The following NUBPL variants were observed in gnomAD, a reference collection of about 807,000 sequenced individuals.
The protein encoded by NUBPL is iron-sulfur cluster transfer protein NUBPL.
A neutral mutation model predicts 45.7 loss-of-function variants in NUBPL; 31 were observed. The observed-to-expected ratio is 0.68, with a 90% confidence interval of 0.51 to 0.92. The LOEUF is 0.92. Among genes scored for constraint, NUBPL ranks in the 40% least tolerant of loss-of-function variants. NUBPL has a pLI of 0.00. For missense variants in NUBPL, 401 were observed against 398.7 expected, an observed-to-expected ratio of 1.01 and a Z score of -0.05; for synonymous variants, 144 against 140.9, an observed-to-expected ratio of 1.02 and a Z score of -0.15.
In NUBPL at chr14:31,763,195, G is replaced by A. The variant is rs115854683; in HGVS notation, c.514-24585G>A. Among the ~76,000 whole-genome samples, 995 of 152,272 alleles carry A rather than the reference G, an allele frequency of 6.5e-3. 13 individuals carry two copies. Among genetic ancestry groups the A allele is most frequent in the African/African-American group, 0.022 (933 of 41,568 alleles). Reference sequence around the variant, plus strand: ...ATATAGGCTTTGATGCCAGAGGTCAGTAGCTTTGGTGGTTGGAGGGTGTGG... The same window carrying A: ...ATATAGGCTTTGATGCCAGAGGTCAATAGCTTTGGTGGTTGGAGGGTGTGG... On this transcript the variant is annotated intron_variant, in intron 6 of 10. Transcript: ENST00000281081.
chr14:31,652,853 T>C (rs577040731), intron 4 of NUBPL, among the ~76,000 whole-genome samples: 24 of 152,292 alleles, frequency 1.6e-4, no homozygotes, highest in African/African-American at 5.5e-4. Flanking sequence ...TCACCCCCCA[T>C]ATTTTAACAT....
intron 6 of NUBPL, among the ~76,000 whole-genome samples, chr14:31,784,282 C>T (rs1198434085): frequency 6.6e-6 from 1 of 152,216 alleles, no homozygotes; most frequent in African/African-American, 2.4e-5. Flanking sequence ...GTTTTCTTTA[C>T]AGCTGGTTTT....
intron 4 of NUBPL, among the ~76,000 whole-genome samples, chr14:31,601,594 T>G (rs1242002233): frequency 6.6e-6 from 1 of 152,118 alleles, no homozygotes; most frequent in Non-Finnish European, 1.5e-5. Flanking sequence ...GAACAGACAC[T>G]TCTCAAAAGA....
Position 31,635,051 on chromosome 14 carries a change from C to T in NUBPL, c.382+35672C>T, listed in dbSNP as rs1426237835. ...CCATTTTGTAGGTTGCCTGTTCACT[C>T]TGATGGTAGTTTCTTTTGCTGTGCA... On this transcript the variant is annotated intron_variant, in intron 4 of 10. Transcript: ENST00000281081. Among the ~76,000 whole-genome samples the T allele has an allele frequency of 3.4e-5, 5 of 149,162 alleles. No individual in the cohort carries two copies. In the East Asian group the frequency reaches 5.8e-4, roughly 17 times the overall value.
intron 6 of NUBPL, among the ~76,000 whole-genome samples, chr14:31,724,825 C>T (rs765875746): frequency 4.6e-5 from 7 of 152,050 alleles, no homozygotes; most frequent in Non-Finnish European, 2.9e-5. Context: ...ATTAATGATC[C>T]ATGCTTTGGA....
rs1172076666 is a variant in NUBPL, at chr14:31,673,529, G to C, written c.468G>C (p.Trp156Cys). ...FLVEESEPVVWRGLMVMSAIE... is the reference protein window; with the variant it reads ...FLVEESEPVVCRGLMVMSAIE... ...TTGAAGAAAGTGAACCAGTAGTTTGGAGAGGCCTTATGGTAATGTCGGCCA... is the reference window on the plus strand; with the variant it reads ...TTGAAGAAAGTGAACCAGTAGTTTGCAGAGGCCTTATGGTAATGTCGGCCA... Residue 156 changes from tryptophan to cysteine, a missense_variant, in exon 6 of 11, where the codon TGG (tryptophan) becomes TGC (cysteine). Trp to Cys is a radical substitution (Grantham distance 215, BLOSUM62 -2). Coordinates refer to ENST00000281081, the MANE Select transcript of NUBPL (RefSeq NM_025152.3). The C allele has an allele frequency of 1.2e-6, 2 of 1,613,960 alleles. No individual in the cohort carries two copies. Among genetic ancestry groups the C allele is most frequent in the South Asian group, 2.2e-5 (2 of 91,078 alleles).
intron 6 of NUBPL, among the ~76,000 whole-genome samples, chr14:31,780,061 A>G (rs995404143): frequency 5.3e-5 from 8 of 150,286 alleles, no homozygotes; most frequent in African/African-American, 1.7e-4. Context: ...AAGAGAGAGC[A>G]CATTTTTTTT....
chr14:31,803,940 T>G (rs1004283734), intron 7 of NUBPL, among the ~76,000 whole-genome samples: 1 of 152,176 alleles, frequency 6.6e-6, no homozygotes, highest in Non-Finnish European at 1.5e-5. Context: ...CGTTTCTTTC[T>G]TTGGGATGGA....
Position 31,859,562 on chromosome 14 carries a change from T to G in NUBPL, c.*382T>G. ...CTAAATTTGTGTATGGGCATAAGTA[T>G]TACGCCTTCCCACCAGGCAATTTGG... On this transcript the variant is annotated 3_prime_UTR_variant, in exon 11 of 11. Transcript: ENST00000281081. 1 of 321,952 alleles carries G rather than the reference T, an allele frequency of 3.1e-6. No individual in the cohort carries two copies. The highest frequency in any genetic ancestry group is 6.0e-6 in the Non-Finnish European group (1 of 166,716). 19.9% of individuals were successfully genotyped at this position (321,952 alleles called of 1,614,324 possible). A position where few individuals can be genotyped will look rare whatever the true frequency, so the allele number is the denominator to read the frequency against.
At chr14:31,569,829 G>C (rs1422054971) in intron 3 of NUBPL, among the ~76,000 whole-genome samples, 3 of 152,174 alleles carry the variant, frequency 2.0e-5, no homozygotes, top group Non-Finnish European at 4.4e-5. Context: ...CCAGTTGTTA[G>C]ACCTTAATGG....
intron 7 of NUBPL, among the ~76,000 whole-genome samples, chr14:31,799,577 T>C (rs1032520196): frequency 6.6e-6 from 1 of 152,204 alleles, no homozygotes; most frequent in African/African-American, 2.4e-5. Context: ...CATGAACTTT[T>C]TGGTTTCTCA....
intron 4 of NUBPL, among the ~76,000 whole-genome samples, chr14:31,608,736 G>A (rs1223246620): frequency 6.6e-6 from 1 of 152,110 alleles, no homozygotes; most frequent in African/African-American, 2.4e-5. Flanking sequence ...AGAATCTAAT[G>A]CTGCCACTGA....
chr14:31,631,530 G>A (rs1027181223), intron 4 of NUBPL, among the ~76,000 whole-genome samples: 1 of 151,506 alleles, frequency 6.6e-6, no homozygotes, highest in Non-Finnish European at 1.5e-5. Flanking sequence ...TAAGGAATTG[G>A]CTCACATAAT....
chr14:31,636,561 T>G (rs1269770571), intron 4 of NUBPL, among the ~76,000 whole-genome samples: 1 of 152,174 alleles, frequency 6.6e-6, no homozygotes, highest in Non-Finnish European at 1.5e-5. Context: ...CTTTTTTGGT[T>G]GTGTCTCTGC....
intron 4 of NUBPL, among the ~76,000 whole-genome samples, chr14:31,619,656 G>A (rs1464320021): frequency 6.6e-6 from 1 of 152,190 alleles, no homozygotes; most frequent in East Asian, 1.9e-4. Context: ...GAGATCCGCT[G>A]TTAGTCTGAT....
intron 4 of NUBPL, among the ~76,000 whole-genome samples, chr14:31,659,121 T>C (rs900263980): frequency 6.6e-5 from 10 of 152,176 alleles, no homozygotes; most frequent in African/African-American, 1.7e-4. Context: ...AATGGAGATA[T>C]TACTTGCCCC....
At chr14:31,594,585 TTC>T (rs1167557753) in intron 3 of NUBPL, among the ~76,000 whole-genome samples, 1 of 152,206 alleles carries the variant, frequency 6.6e-6, no homozygotes, top group African/African-American at 2.4e-5. Flanking sequence ...CTGCTGTGTT[TTC>T]TCTTTTTTCC....
In NUBPL at chr14:31,562,104, A is replaced by G. The variant is rs370063423; in HGVS notation, c.145A>G (p.Arg49Gly). 11 of 1,611,646 alleles carry G rather than the reference A, an allele frequency of 6.8e-6. No individual in the cohort carries two copies. The highest frequency in any genetic ancestry group is 1.7e-5 in the Admixed American group (1 of 59,920). The change falls in exon 2 of 11, where the codon AGA (arginine) becomes GGA (glycine). Residue 49 changes from arginine (R) to glycine (G), a missense_variant. Arg to Gly is a moderately radical substitution (Grantham distance 125). Transcript: ENST00000281081. ...GAGSETLKQR[R>G]TQIMSRGLPK... ...CGGGAGTGAGACCCTAAAACAAAGAAGAACACAAATCATGTCCCGAGGACT... is the reference window on the plus strand; with the variant it reads ...CGGGAGTGAGACCCTAAAACAAAGAGGAACACAAATCATGTCCCGAGGACT...
At chr14:31,631,539 A>T (rs2035344039) in intron 4 of NUBPL, among the ~76,000 whole-genome samples, 1 of 151,398 alleles carries the variant, frequency 6.6e-6, no homozygotes, top group African/African-American at 2.4e-5. Context: ...GGCTCACATA[A>T]TTATGGAGGC....
Sources: gnomAD v4.1 joint callset for allele counts (sites outside exome capture counted in the v4.1 genomes callset) on GRCh38, gnomAD v4.1.1 for gene constraint, MANE v1.5 for transcripts, NCBI Gene and HGNC (gene_info 2026-07-23, HGNC 2026-07-21) for gene names.